DDX10: variants seen among roughly 807,000 people sequenced by gnomAD.
DDX10 encodes the protein DEAD-box helicase 10.
DDX10 carries 74 observed loss-of-function variants against 104.3 expected under a neutral mutation model. The observed-to-expected ratio is 0.71, with a 90% confidence interval of 0.59 to 0.86. DDX10 has a LOEUF of 0.86. Ranked by LOEUF, DDX10 falls within the 40% of genes least tolerant of loss-of-function variation. The pLI is 0.00. For missense variants in DDX10, 952 were observed against 1,040.0 expected (o/e 0.92, Z 1.16); for synonymous variants, 351 against 353.4 (o/e 0.99, Z 0.08).
At chr11:108,679,134 G>A (rs1210501892) in intron 5 of DDX10, among the ~76,000 whole-genome samples, 1 of 152,042 alleles carries the variant, frequency 6.6e-6, no homozygotes, top group Non-Finnish European at 1.5e-5. Context: ...TGGGATTACA[G>A]GCCTGAGCCA....
chr11:108,841,408 G>C lies in DDX10; in HGVS notation c.2179G>C (p.Glu727Gln). Reference protein sequence around the residue: ...TGGINLHKAKERLQEEDKFDK... With the variant: ...TGGINLHKAKQRLQEEDKFDK... ...TGGTATCAACTTACATAAAGCAAAG[G>C]AAAGACTTCAGGAAGAGGACAAATT... The change falls in exon 15 of 18, where the codon GAA (glutamate) becomes CAA (glutamine). Residue 727 changes from glutamate to glutamine, a missense_variant. Coordinates refer to ENST00000322536, the MANE Select transcript of DDX10 (RefSeq NM_004398.4). The C allele has an allele frequency of 6.2e-7, 1 of 1,613,870 alleles. No homozygotes were observed. Among genetic ancestry groups the C allele is most frequent in the Non-Finnish European group, 8.5e-7 (1 of 1,179,874 alleles).
intron 13 of DDX10, among the ~76,000 whole-genome samples, chr11:108,823,572 A>G (rs576566014): frequency 5.9e-4 from 90 of 152,324 alleles, no homozygotes; most frequent in African/African-American, 1.4e-3. Flanking sequence ...TGAATTTAGC[A>G]TATATCTTTC....
At chr11:108,811,314 C>T (rs1296058591) in intron 13 of DDX10, among the ~76,000 whole-genome samples, 2 of 152,040 alleles carry the variant, frequency 1.3e-5, no homozygotes, top group Non-Finnish European at 2.9e-5. Context: ...AGGAATTGGT[C>T]CAAGGTCAGC....
intron 13 of DDX10, among the ~76,000 whole-genome samples, chr11:108,731,094 C>G (rs1591803695): frequency 6.6e-6 from 1 of 151,884 alleles, no homozygotes; most frequent in Non-Finnish European, 1.5e-5. Context: ...CTGTGTCACC[C>G]AGGCTGGAGT....
chr11:108,849,757 TAA>T (rs1862766684), intron 15 of DDX10, among the ~76,000 whole-genome samples: 1 of 152,102 alleles, frequency 6.6e-6, no homozygotes, highest in Admixed American at 6.6e-5. Context: ...ATAAAGCATT[TAA>T]GGCATTTGAG....
intron 2 of DDX10, among the ~76,000 whole-genome samples, chr11:108,674,151 G>A (rs1236442358): frequency 1.3e-5 from 2 of 151,994 alleles, no homozygotes; most frequent in African/African-American, 2.4e-5. Flanking sequence ...GTGAAACCCC[G>A]TCTCTACTAA....
At chr11:108,801,540 C>T (rs1010239685) in intron 13 of DDX10, among the ~76,000 whole-genome samples, 4 of 152,170 alleles carry the variant, frequency 2.6e-5, no homozygotes, top group African/African-American at 9.7e-5. Flanking sequence ...ATATCCTGAT[C>T]ATAAGCAAAT....
intron 9 of DDX10, among the ~76,000 whole-genome samples, chr11:108,705,114 G>A (rs1041410485): frequency 3.3e-5 from 5 of 152,142 alleles, no homozygotes; most frequent in African/African-American, 1.2e-4. Flanking sequence ...CTAAAAGCAG[G>A]CTCTAATGTA....
intron 9 of DDX10, among the ~76,000 whole-genome samples, chr11:108,695,292 C>G (rs1439581944): frequency 6.6e-6 from 1 of 152,136 alleles, no homozygotes; most frequent in Non-Finnish European, 1.5e-5. Context: ...TACATTTTTG[C>G]TCTGTTTTCT....
intron 13 of DDX10, among the ~76,000 whole-genome samples, chr11:108,757,689 A>G (rs1307815475): frequency 1.3e-5 from 2 of 152,044 alleles, no homozygotes; most frequent in Non-Finnish European, 2.9e-5. Context: ...TGTCCTCTTG[A>G]AAACTTTTTT....
chr11:108,830,237 C>T (rs972072657), intron 13 of DDX10, among the ~76,000 whole-genome samples: 2 of 152,174 alleles, frequency 1.3e-5, no homozygotes, highest in Admixed American at 1.3e-4. Context: ...TTTCTTTCAG[C>T]AGCAGTGTTT....
Position 108,830,129 on chromosome 11 carries a change from T to C in DDX10, c.1966-8317T>C, listed in dbSNP as rs1329543495. On this transcript the variant is annotated intron_variant, in intron 13 of 17. Coordinates refer to ENST00000322536, the MANE Select transcript of DDX10 (RefSeq NM_004398.4). ...TGGTGGTATTTTGATGGGAGTTGCA[T>C]TGAATTTGTAGATTGCTTTTGACAG... Among the ~76,000 whole-genome samples the C allele has an allele frequency of 2.6e-5, 4 of 152,246 alleles. No individual in the cohort carries two copies. In the East Asian group the frequency reaches 5.8e-4, roughly 22 times the overall value.
chr11:108,755,151 G>C (rs1329644583), intron 13 of DDX10, among the ~76,000 whole-genome samples: 1 of 151,934 alleles, frequency 6.6e-6, no homozygotes, highest in African/African-American at 2.4e-5. Flanking sequence ...TGGGGACTTA[G>C]AAAAACCTAG....
intron 13 of DDX10, among the ~76,000 whole-genome samples, chr11:108,804,588 A>G (rs1273245593): frequency 2.7e-5 from 4 of 150,812 alleles, no homozygotes; most frequent in Non-Finnish European, 5.9e-5. Flanking sequence ...TTTTCTTTGG[A>G]TCAGAAGTCT....
At chr11:108,754,072 A>G (rs992992579) in intron 13 of DDX10, among the ~76,000 whole-genome samples, 1 of 152,048 alleles carries the variant, frequency 6.6e-6, no homozygotes, top group African/African-American at 2.4e-5. Flanking sequence ...TGTTTCTAAC[A>G]GTTTTGATGC....
chr11:108,864,200 A>G (rs1862976561), intron 16 of DDX10, among the ~76,000 whole-genome samples: 1 of 152,132 alleles, frequency 6.6e-6, no homozygotes, highest in Non-Finnish European at 1.5e-5. Context: ...TCGTTCTCAG[A>G]TACTTAGGAT....
intron 17 of DDX10, among the ~76,000 whole-genome samples, chr11:108,939,723 T>A (rs1030967290): frequency 1.7e-4 from 26 of 152,224 alleles, no homozygotes; most frequent in African/African-American, 6.0e-4. Context: ...TTGATACAGA[T>A]TTTTAAATGG....
chr11:108,863,895 GCCTTTATCATTTACTGCCAGGTTGTTA>G (rs1368059496), intron 16 of DDX10, among the ~76,000 whole-genome samples: 400 of 152,252 alleles, frequency 2.6e-3, no homozygotes, highest in African/African-American at 9.0e-3. Context: ...AGTTCATTCA[GCCTTTATCATTTACTGCCAGGTTGTTA>G]GAGCTCTCCT....
chr11:108,858,793 C>A (rs1205379946), intron 16 of DDX10, among the ~76,000 whole-genome samples: 2 of 152,066 alleles, frequency 1.3e-5, no homozygotes, highest in Admixed American at 6.6e-5. Flanking sequence ...ACTTCGAGCT[C>A]CTCAAGTTGC....
Sources: gnomAD v4.1 joint callset for allele counts (sites outside exome capture counted in the v4.1 genomes callset) on GRCh38, gnomAD v4.1.1 for gene constraint, MANE v1.5 for transcripts, NCBI Gene and HGNC (gene_info 2026-07-23, HGNC 2026-07-21) for gene names.